The following CNTNAP5 variants were observed in gnomAD, a reference collection of about 807,000 sequenced individuals.
CNTNAP5 encodes contactin associated protein family member 5.
CNTNAP5 carries 72 observed loss-of-function variants against 150.2 expected under a neutral mutation model. That is an observed-to-expected ratio of 0.48 (90% CI 0.40 to 0.58). The LOEUF (loss-of-function observed/expected upper bound fraction) is 0.58. Ranked by LOEUF, CNTNAP5 falls within the 20% of genes least tolerant of loss-of-function variation. The pLI, the probability that CNTNAP5 is intolerant of heterozygous loss-of-function variation, is 0.00. For missense variants in CNTNAP5, 1,636 were observed against 1,626.2 expected (o/e 1.01, Z -0.10); for synonymous variants, 672 against 619.8 (o/e 1.08, Z -1.25).
chr2:124,045,260 T>C (rs1681497301), intron 1 of CNTNAP5, among the ~76,000 whole-genome samples: 1 of 151,170 alleles, frequency 6.6e-6, no homozygotes, highest in Admixed American at 6.7e-5. Flanking sequence ...AAAATAAATG[T>C]CTTTCGCCAA....
At chr2:124,801,312 T>C (rs1573626341) in intron 19 of CNTNAP5, among the ~76,000 whole-genome samples, 1 of 152,164 alleles carries the variant, frequency 6.6e-6, no homozygotes, top group African/African-American at 2.4e-5. Context: ...TGCCTTCAAC[T>C]TTTTGAAAGG....
chr2:124,114,189 T>C (rs1683372480), intron 1 of CNTNAP5, among the ~76,000 whole-genome samples: 1 of 152,036 alleles, frequency 6.6e-6, no homozygotes, highest in Admixed American at 6.6e-5. Context: ...ATTGAATCAG[T>C]AGATCAGGAT....
At chr2:124,219,339 A>G (rs1014642723) in intron 1 of CNTNAP5, among the ~76,000 whole-genome samples, 2 of 152,198 alleles carry the variant, frequency 1.3e-5, no homozygotes, top group African/African-American at 4.8e-5. Context: ...CTAATAAAAT[A>G]GTAGCAGAGT....
intron 1 of CNTNAP5, among the ~76,000 whole-genome samples, chr2:124,118,690 C>CAG (rs1416523285): frequency 1.3e-5 from 2 of 152,154 alleles, no homozygotes; most frequent in Non-Finnish European, 2.9e-5. Context: ...TGCTATGTGA[C>CAG]AGAGAGAGAC....
At chr2:124,726,470 G>A (rs1400791885) in intron 13 of CNTNAP5, among the ~76,000 whole-genome samples, 1 of 151,952 alleles carries the variant, frequency 6.6e-6, no homozygotes, top group East Asian at 1.9e-4. Flanking sequence ...CCCTAAGATT[G>A]TTAGTTTCCT....
At chr2:124,589,565 C>T (rs1696632820) in intron 11 of CNTNAP5, among the ~76,000 whole-genome samples, 1 of 152,168 alleles carries the variant, frequency 6.6e-6, no homozygotes, top group Non-Finnish European at 1.5e-5. Context: ...TAACCTCCTG[C>T]CTCCTTTTTC....
At chr2:124,743,594 C>T (rs1430748303) in intron 13 of CNTNAP5, among the ~76,000 whole-genome samples, 1 of 152,108 alleles carries the variant, frequency 6.6e-6, no homozygotes, top group Non-Finnish European at 1.5e-5. Flanking sequence ...GACAGCATGT[C>T]GACTGAATCC....
At chr2:124,234,301 C>A (rs965303066) in intron 2 of CNTNAP5, among the ~76,000 whole-genome samples, 2 of 152,134 alleles carry the variant, frequency 1.3e-5, no homozygotes, top group Admixed American at 6.6e-5. Context: ...AGCCTCTACT[C>A]ATTTTATAAG....
Position 124,078,807 on chromosome 2 carries a change from G to A in CNTNAP5, c.82+53075G>A, listed in dbSNP as rs116755511. On this transcript the variant is annotated intron_variant, in intron 1 of 23. Transcript: ENST00000682447. Reference sequence around the variant, plus strand: ...GGAAGTAGGAGGAAGAGTGTCTGGAGAGGGATGCAGGGAAGGAGGAAACGT... The same window carrying A: ...GGAAGTAGGAGGAAGAGTGTCTGGAAAGGGATGCAGGGAAGGAGGAAACGT... Among the ~76,000 whole-genome samples the A allele has an allele frequency of 4.1e-3, 617 of 152,284 alleles. 8 individuals carry two copies. The highest frequency in any genetic ancestry group is 0.014 in the African/African-American group (602 of 41,560).
intron 16 of CNTNAP5, among the ~76,000 whole-genome samples, chr2:124,772,175 G>A (rs952582331): frequency 2.0e-5 from 3 of 152,042 alleles, no homozygotes; most frequent in African/African-American, 7.2e-5. Flanking sequence ...GCTTACTTCT[G>A]ACTGGGTGCC....
At chr2:124,499,054 T>G (rs1313809131) in intron 7 of CNTNAP5, among the ~76,000 whole-genome samples, 2 of 152,202 alleles carry the variant, frequency 1.3e-5, no homozygotes, top group Non-Finnish European at 2.9e-5. Context: ...GGAGCAATGC[T>G]AGATACATTG....
chr2:124,591,830 A>G (rs138405487), intron 11 of CNTNAP5, among the ~76,000 whole-genome samples: 75 of 152,312 alleles, frequency 4.9e-4, no homozygotes, highest in African/African-American at 1.8e-3. Flanking sequence ...AGTCTTCATC[A>G]AACAAGTCTT....
intron 13 of CNTNAP5, among the ~76,000 whole-genome samples, chr2:124,698,139 A>G (rs2105086589): frequency 6.6e-6 from 1 of 152,254 alleles, no homozygotes; most frequent in East Asian, 1.9e-4. Context: ...GCTCAGATTC[A>G]TATTTTAAGG....
intron 1 of CNTNAP5, among the ~76,000 whole-genome samples, chr2:124,032,689 C>T (rs2104622176): frequency 6.6e-6 from 1 of 152,144 alleles, no homozygotes; most frequent in East Asian, 1.9e-4. Flanking sequence ...ATACATTTTA[C>T]ATTTGTAAAA....
At chr2:124,308,864 A>G (rs1027993759) in intron 3 of CNTNAP5, among the ~76,000 whole-genome samples, 15 of 152,204 alleles carry the variant, frequency 9.9e-5, no homozygotes, top group African/African-American at 3.6e-4. Context: ...ACCAGAGTGC[A>G]CTGGCTTCAA....
chr2:124,271,487 G>A (rs72962884), intron 3 of CNTNAP5, among the ~76,000 whole-genome samples: 213 of 152,170 alleles, frequency 1.4e-3, no homozygotes, highest in African/African-American at 4.8e-3. Flanking sequence ...ATGAATGTGT[G>A]GTTTGGGAAA....
chr2:124,463,320 C>T (rs1252097659), intron 6 of CNTNAP5, among the ~76,000 whole-genome samples: 2 of 152,174 alleles, frequency 1.3e-5, no homozygotes, highest in Non-Finnish European at 2.9e-5. Flanking sequence ...GTGTCAGCAG[C>T]TGACGTCTGT....
intron 19 of CNTNAP5, among the ~76,000 whole-genome samples, chr2:124,826,033 GCT>G (rs1233501387): frequency 6.6e-6 from 1 of 151,916 alleles, no homozygotes; most frequent in Non-Finnish European, 1.5e-5. Flanking sequence ...ATTTTAGTAT[GCT>G]CTGTTTTTTA....
chr2:124,332,848 A>G (rs1003617869), intron 3 of CNTNAP5, among the ~76,000 whole-genome samples: 1 of 152,156 alleles, frequency 6.6e-6, no homozygotes, highest in Non-Finnish European at 1.5e-5. Flanking sequence ...TAATGTTGAC[A>G]GACATCCTAT....
Sources: allele counts gnomAD v4.1 joint callset (sites outside exome capture counted in the v4.1 genomes callset), GRCh38; gene constraint gnomAD v4.1.1; transcripts MANE v1.5; gene names NCBI Gene and HGNC (gene_info 2026-07-23, HGNC 2026-07-21).